The following SAE1 variants were observed in gnomAD, a reference collection of about 807,000 sequenced individuals.
SAE1 encodes SUMO1 activating enzyme subunit 1.
In SAE1, 11 loss-of-function variants were observed where a neutral mutation model predicts 40.6. The ratio of observed to expected loss-of-function variants is 0.27; its 90% CI spans 0.17 to 0.45. The LOEUF (loss-of-function observed/expected upper bound fraction) is 0.45, where lower values mean the gene tolerates loss of function less well. Ranked by LOEUF, SAE1 falls within the 20% of genes least tolerant of loss-of-function variation. SAE1 has a pLI of 1.00. For synonymous variants in SAE1, 155 were observed against 154.3 expected, an observed-to-expected ratio of 1.00 and a Z score of -0.03; for missense variants, 373 against 427.3, an observed-to-expected ratio of 0.87 and a Z score of 1.12.
chr19:47,155,994 C>T (rs1204888324), intron 5 of SAE1, among the ~76,000 whole-genome samples: 5 of 151,874 alleles, frequency 3.3e-5, no homozygotes, highest in Admixed American at 6.6e-5. Flanking sequence ...CTGCCTCAGC[C>T]CCACAAAGTG....
chr19:47,201,609 A>G (rs2123320635), intron 7 of SAE1, among the ~76,000 whole-genome samples: 1 of 150,942 alleles, frequency 6.6e-6, no homozygotes, highest in East Asian at 2.0e-4. Context: ...AATACGGCCA[A>G]AATGAGATTC....
At chr19:47,192,207 G>C (rs1401295814) in intron 6 of SAE1, among the ~76,000 whole-genome samples, 3 of 152,042 alleles carry the variant, frequency 2.0e-5, no homozygotes, top group Admixed American at 1.3e-4. Flanking sequence ...CTGGTGAGCG[G>C]GTAATTATTA....
intron 6 of SAE1, among the ~76,000 whole-genome samples, chr19:47,171,962 C>T (rs1267054643): frequency 6.6e-6 from 1 of 152,040 alleles, no homozygotes; most frequent in African/African-American, 2.4e-5. Context: ...CTCTGTCACC[C>T]AGGCTGGAGT....
Position 47,209,412 on chromosome 19 carries a change from T to C in SAE1, c.*161T>C. 1 of 1,247,720 alleles carries C rather than the reference T, an allele frequency of 8.0e-7. No homozygotes were observed. The highest frequency in any genetic ancestry group is 1.4e-5 in the South Asian group (1 of 70,166). 77.3% of individuals were successfully genotyped at this position (1,247,720 alleles called of 1,614,324 possible). ...AAGGAGGTGGTGCCGACGTGCTGCT[T>C]CCCATCACCAGCAGCTGCTCGACAA... is the stretch of plus-strand genomic sequence containing the variant. On this transcript the variant is annotated 3_prime_UTR_variant, in exon 9 of 9. Transcript: ENST00000270225.
chr19:47,184,571 C>T (rs1384061593), intron 6 of SAE1, among the ~76,000 whole-genome samples: 1 of 151,928 alleles, frequency 6.6e-6, no homozygotes, highest in Non-Finnish European at 1.5e-5. Context: ...CCACCATGCC[C>T]ATTTAGTTTT....
At chr19:47,182,270 G>T (rs186982222) in intron 6 of SAE1, among the ~76,000 whole-genome samples, 5 of 152,044 alleles carry the variant, frequency 3.3e-5, no homozygotes, top group Non-Finnish European at 7.4e-5. Flanking sequence ...GCAGGCCATA[G>T]GCAGCCATCG....
chr19:47,174,724 C>T (rs1046411493), intron 6 of SAE1, among the ~76,000 whole-genome samples: 2 of 151,996 alleles, frequency 1.3e-5, no homozygotes, highest in African/African-American at 4.8e-5. Context: ...AGGTGCCCGC[C>T]ACCATGCCCG....
intron 5 of SAE1, among the ~76,000 whole-genome samples, chr19:47,165,479 C>G (rs1472966242): frequency 6.6e-6 from 1 of 152,090 alleles, no homozygotes; most frequent in Non-Finnish European, 1.5e-5. Context: ...CTCAGGCATT[C>G]TAGGCAGAGG....
intron 2 of SAE1, among the ~76,000 whole-genome samples, chr19:47,149,027 T>G (rs372647645): frequency 3.4e-4 from 51 of 152,168 alleles, no homozygotes; most frequent in African/African-American, 1.1e-3. Flanking sequence ...ATTTTTGTTG[T>G]TTTTTGAGAG....
chr19:47,147,672 C>T (rs1311592697), intron 2 of SAE1, among the ~76,000 whole-genome samples: 3 of 151,384 alleles, frequency 2.0e-5, no homozygotes, highest in African/African-American at 7.3e-5. Flanking sequence ...AGGCTGGTCT[C>T]GAACTTCTGA....
At chr19:47,195,528 G>A (rs933091241) in intron 6 of SAE1, among the ~76,000 whole-genome samples, 1 of 152,108 alleles carries the variant, frequency 6.6e-6, no homozygotes, top group Non-Finnish European at 1.5e-5. Flanking sequence ...AGTAAAGGAA[G>A]TTTTGTTTGT....
At chr19:47,187,449 T>C (rs1012437037) in intron 6 of SAE1, among the ~76,000 whole-genome samples, 6 of 152,324 alleles carry the variant, frequency 3.9e-5, no homozygotes, top group Non-Finnish European at 5.9e-5. Context: ...AACAGAACCA[T>C]CCCAGATAGC....
chr19:47,200,455 C>T (rs1051539491), intron 7 of SAE1, among the ~76,000 whole-genome samples: 1 of 130,422 alleles, frequency 7.7e-6, no homozygotes, highest in Non-Finnish European at 1.6e-5. Flanking sequence ...GTTCACCAGG[C>T]TGTTTCCTAT....
intron 1 of SAE1, among the ~76,000 whole-genome samples, chr19:47,141,772 G>C (rs2058223540): frequency 6.6e-6 from 1 of 152,060 alleles, no homozygotes; most frequent in African/African-American, 2.4e-5. Flanking sequence ...AACTTAAATT[G>C]TGTGAAAATT....
chr19:47,132,150 A>T (rs1386934911), intron 1 of SAE1, among the ~76,000 whole-genome samples: 2 of 151,776 alleles, frequency 1.3e-5, no homozygotes, highest in African/African-American at 2.4e-5. Context: ...TTTAGTAGAC[A>T]TGGGTTTTCA....
intron 6 of SAE1, among the ~76,000 whole-genome samples, chr19:47,182,057 A>T (rs1366874231): frequency 2.0e-5 from 3 of 152,054 alleles, no homozygotes; most frequent in Admixed American, 2.0e-4. Context: ...AAGCATTGGG[A>T]TAACAGACGT....
At chr19:47,202,185 T>C (rs2058659436) in intron 7 of SAE1, among the ~76,000 whole-genome samples, 1 of 152,178 alleles carries the variant, frequency 6.6e-6, no homozygotes, top group African/African-American at 2.4e-5. Context: ...TGTGTCTTTG[T>C]CAAGATGTAT....
chr19:47,195,674 T>TCCCTTC (rs925946713), intron 6 of SAE1, among the ~76,000 whole-genome samples: 57 of 151,584 alleles, frequency 3.8e-4, no homozygotes, highest in African/African-American at 9.7e-4. Context: ...CCTTTCCCTT[T>TCCCTTC]CCCTTCCCCT....
intron 2 of SAE1, among the ~76,000 whole-genome samples, chr19:47,148,705 C>T (rs1264206552): frequency 6.6e-6 from 1 of 151,404 alleles, no homozygotes; most frequent in Non-Finnish European, 1.5e-5. Context: ...GCGTCTGCCT[C>T]CCAGGTTCAA....
Sources: gnomAD v4.1 joint callset for allele counts (sites outside exome capture counted in the v4.1 genomes callset) on GRCh38, gnomAD v4.1.1 for gene constraint, MANE v1.5 for transcripts, NCBI Gene and HGNC (gene_info 2026-07-23, HGNC 2026-07-21) for gene names.